PRELID2: variants seen among roughly 807,000 people sequenced by gnomAD.
The protein encoded by PRELID2 is PRELI domain containing 2, also known as PRELI domain-containing protein 2.
In PRELID2, 25 loss-of-function variants were observed where a neutral mutation model predicts 28.4. The observed-to-expected ratio is 0.88, with a 90% confidence interval of 0.64 to 1.23. PRELID2 has a LOEUF of 1.23. PRELID2 is among the 50% of genes most tolerant of loss of function. The pLI is 0.00. For missense variants in PRELID2, 201 were observed against 214.4 expected (o/e 0.94, Z 0.39); for synonymous variants, 76 against 71.6 (o/e 1.06, Z -0.31).
chr5:145,759,017 T>TTG lies in PRELID2; in HGVS notation c.*1517_*1518dup, dbSNP rs1358329602. Reference sequence around the variant, plus strand: ...GAATTTTTTTTTTTTTTTTTTTTTTTTGTGATGGAGTCTTGCTCTGTCACC... The same window carrying TTG: ...GAATTTTTTTTTTTTTTTTTTTTTTTTGTGTGATGGAGTCTTGCTCTGTCACC... On this transcript the variant is annotated 3_prime_UTR_variant, in exon 7 of 7. Coordinates refer to ENST00000683046, the MANE Select transcript of PRELID2 (RefSeq NM_205846.3). The TTG allele has an allele frequency of 1.3e-5, 2 of 148,336 alleles. No individual in the cohort carries two copies. The highest frequency in any genetic ancestry group is 5.0e-5 in the African/African-American group (2 of 39,988). The allele number at this position is 148,336 out of a possible 1,614,324, so 9.2% of individuals were successfully genotyped here.
chr5:145,261,015 TG>T, the PRELID2 span, among the ~76,000 whole-genome samples: 1 of 152,166 alleles, frequency 6.6e-6, no homozygotes, highest in Non-Finnish European at 1.5e-5. Flanking sequence ...GTGGGCTGCA[TG>T]GGAGCTAGGT....
chr5:145,572,922 G>A (rs892724060), intron 1 of PRELID2, among the ~76,000 whole-genome samples: 1 of 152,116 alleles, frequency 6.6e-6, no homozygotes, highest in African/African-American at 2.4e-5. Context: ...CTTCTGGCAT[G>A]AGAGACCCAT....
chr5:145,729,674 C>T lies in PRELID2; in HGVS notation n.70+35257G>A, dbSNP rs183996532. Among the ~76,000 whole-genome samples, 320 of 152,350 alleles carry T rather than the reference C, an allele frequency of 2.1e-3. 1 individual carries two copies. The highest frequency in any genetic ancestry group is 7.2e-3 in the African/African-American group (300 of 41,576). ...CATCCTTGGGTGTCCGTTGACGATGCGTCCTCTGCTTTTACATGCTCTAGC... is the reference window on the plus strand; with the variant it reads ...CATCCTTGGGTGTCCGTTGACGATGTGTCCTCTGCTTTTACATGCTCTAGC... On this transcript the variant is annotated intron_variant and non_coding_transcript_variant, in intron 1 of 2. Coordinates refer to the PRELID2 transcript ENST00000510259.
chr5:145,696,100 A>T (rs972539926), intron 1 of PRELID2, among the ~76,000 whole-genome samples: 2 of 151,950 alleles, frequency 1.3e-5, no homozygotes, highest in African/African-American at 4.8e-5. Flanking sequence ...AAACTTGAAA[A>T]TCATGTATAT....
chr5:145,824,463 T>TGTGTGTCTGTGTGTGTGA (rs373555427), intron 1 of PRELID2, among the ~76,000 whole-genome samples: 2 of 143,548 alleles, frequency 1.4e-5, no homozygotes, highest in Non-Finnish European at 3.0e-5. Flanking sequence ...TGTGTGTGTG[T>TGTGTGTCTGTGTGTGTGA]GATATTGATT....
chr5:145,342,323 T>G, the PRELID2 span, among the ~76,000 whole-genome samples: 2 of 151,900 alleles, frequency 1.3e-5, no homozygotes, highest in African/African-American at 4.8e-5. Context: ...AATATAACAC[T>G]CTGGTGAAGC....
chr5:145,491,201 T>TG (rs1752265611), intron 1 of PRELID2, among the ~76,000 whole-genome samples: 1 of 152,206 alleles, frequency 6.6e-6, no homozygotes, highest in African/African-American at 2.4e-5. Flanking sequence ...CTTATAGTTC[T>TG]GGGGGCTGGA....
At chr5:145,691,667 G>A (rs1443081578) in intron 1 of PRELID2, among the ~76,000 whole-genome samples, 1 of 152,046 alleles carries the variant, frequency 6.6e-6, no homozygotes. Flanking sequence ...GCAGTAAGCC[G>A]AGATTACGCC....
chr5:145,639,224 A>G (rs1248477339), intron 1 of PRELID2, among the ~76,000 whole-genome samples: 1 of 152,172 alleles, frequency 6.6e-6, no homozygotes, highest in African/African-American at 2.4e-5. Context: ...TTTGGGCCCT[A>G]TTATTTTGTT....
rs374589106 is a variant in PRELID2 at position 145,726,082 on chromosome 5, T to C, written n.70+38849A>G. On this transcript the variant is annotated intron_variant and non_coding_transcript_variant, in intron 1 of 2. Coordinates refer to the PRELID2 transcript ENST00000510259. ...TACTCCAGAGGCTGAGGTGGGAGGA[T>C]TGCTTGAGCCCACGAGATGGAGGTT... Among the ~76,000 whole-genome samples, 48 of 151,816 alleles carry C rather than the reference T, an allele frequency of 3.2e-4. No homozygotes were observed. The East Asian group carries it at 8.0e-3, about 25-fold the overall frequency.
At chr5:145,415,034 G>C in the PRELID2 span, among the ~76,000 whole-genome samples, 3,129 of 152,134 alleles carry the variant, frequency 0.021, 97 homozygotes, top group African/African-American at 0.071. Flanking sequence ...CAAAATAACA[G>C]AATATACATT....
intron 1 of PRELID2, among the ~76,000 whole-genome samples, chr5:145,481,983 A>G (rs1006905571): frequency 6.6e-6 from 1 of 152,194 alleles, no homozygotes; most frequent in African/African-American, 2.4e-5. Flanking sequence ...TTCATTCACA[A>G]TAAAACTTAA....
the PRELID2 span, among the ~76,000 whole-genome samples, chr5:145,450,195 T>C: frequency 4.6e-5 from 7 of 152,124 alleles, no homozygotes; most frequent in Non-Finnish European, 8.8e-5. Context: ...TGGGAAACCA[T>C]AGAAAAATGC....
At chr5:145,560,744 T>G (rs1752918996) in intron 1 of PRELID2, among the ~76,000 whole-genome samples, 2 of 152,330 alleles carry the variant, frequency 1.3e-5, no homozygotes, top group South Asian at 4.1e-4. Flanking sequence ...TGCAAAGAGA[T>G]GAGAAAACAG....
At chr5:145,725,925 G>A (rs913668946) in intron 1 of PRELID2, among the ~76,000 whole-genome samples, 4 of 152,124 alleles carry the variant, frequency 2.6e-5, no homozygotes, top group South Asian at 4.1e-4. Flanking sequence ...GCTTATGCCT[G>A]TAATTCCAGC....
intron 1 of PRELID2, among the ~76,000 whole-genome samples, chr5:145,512,269 G>A (rs921836499): frequency 6.6e-6 from 1 of 152,184 alleles, no homozygotes; most frequent in Admixed American, 6.5e-5. Context: ...ATCTAATTGG[G>A]ACTGGTTAGA....
At chr5:145,307,995 G>A in the PRELID2 span, among the ~76,000 whole-genome samples, 1 of 152,088 alleles carries the variant, frequency 6.6e-6, no homozygotes. Context: ...TCTGTGTGTG[G>A]TCAGTCTAAT....
chr5:145,760,983 A>T (rs1757447027), intron 6 of PRELID2, among the ~76,000 whole-genome samples: 1 of 152,230 alleles, frequency 6.6e-6, no homozygotes. Context: ...TTGGCTCATG[A>T]CAAAAATCAC....
At chr5:145,502,321 G>A (rs1212068222) in intron 1 of PRELID2, among the ~76,000 whole-genome samples, 3 of 152,080 alleles carry the variant, frequency 2.0e-5, no homozygotes, top group Non-Finnish European at 4.4e-5. Flanking sequence ...AGCACTGAGA[G>A]AATTGTGCTA....
Sources: allele counts gnomAD v4.1 joint callset (sites outside exome capture counted in the v4.1 genomes callset), GRCh38; gene constraint gnomAD v4.1.1; transcripts MANE v1.5; gene names NCBI Gene and HGNC (gene_info 2026-07-23, HGNC 2026-07-21).